NETO2: variants seen among roughly 807,000 people sequenced by gnomAD.
NETO2 encodes the protein neuropilin and tolloid like 2.
Under a neutral mutation model 62.5 loss-of-function variants are expected in NETO2, and 28 were observed. The ratio of observed to expected loss-of-function variants is 0.45; its 90% CI spans 0.33 to 0.61. The LOEUF (loss-of-function observed/expected upper bound fraction) is 0.61. Ranked by LOEUF, NETO2 falls within the 20% of genes least tolerant of loss-of-function variation. The probability of loss-of-function intolerance (pLI) is 0.02; values close to 1 mark genes in which losing one functional copy is unlikely to be tolerated. For missense variants in NETO2, 548 were observed against 643.2 expected, an observed-to-expected ratio of 0.85 and a Z score of 1.60; for synonymous variants, 214 against 219.1, an observed-to-expected ratio of 0.98 and a Z score of 0.21.
intron 1 of NETO2, among the ~76,000 whole-genome samples, chr16:47,133,006 A>G (rs1337193633): frequency 1.3e-5 from 2 of 152,206 alleles, no homozygotes; most frequent in Non-Finnish European, 2.9e-5. Context: ...GAGATAATGT[A>G]TATAGTATTT....
chr16:47,109,468 G>T lies in NETO2; in HGVS notation c.883+15C>A, dbSNP rs780688806. 4.4e-6 allele frequency: 7 copies of T among 1,577,392 alleles called. No homozygotes were observed. The South Asian group carries it at 5.5e-5, about 12-fold the overall frequency. On this transcript the variant is annotated intron_variant, in intron 7 of 8. Coordinates refer to ENST00000562435, the MANE Select transcript of NETO2 (RefSeq NM_018092.5). Reference sequence around the variant, plus strand: ...TATGTAAAAGATCTCAATACTATAGGAATTATTTACTTACGCTCCACAAAG... The same window carrying T: ...TATGTAAAAGATCTCAATACTATAGTAATTATTTACTTACGCTCCACAAAG...
At chr16:47,106,233 T>C (rs1320378628) in intron 7 of NETO2, among the ~76,000 whole-genome samples, 1 of 152,156 alleles carries the variant, frequency 6.6e-6, no homozygotes, top group Non-Finnish European at 1.5e-5. Flanking sequence ...ATGATTCTAC[T>C]ATGAGTTACC....
At chr16:47,133,924 C>G (rs972214443) in intron 1 of NETO2, among the ~76,000 whole-genome samples, 5 of 152,028 alleles carry the variant, frequency 3.3e-5, no homozygotes, top group African/African-American at 1.2e-4. Context: ...TGTGTGGGGT[C>G]TATACTTTTA....
chr16:47,102,013 T>C (rs1490966866), intron 7 of NETO2, among the ~76,000 whole-genome samples: 3 of 152,142 alleles, frequency 2.0e-5, no homozygotes, highest in Admixed American at 6.6e-5. Flanking sequence ...GGAGGCATCA[T>C]GCTTCCTTAC....
At chr16:47,127,150 GAAAAAT>G (rs1964173459) in intron 4 of NETO2, among the ~76,000 whole-genome samples, 1 of 152,164 alleles carries the variant, frequency 6.6e-6, no homozygotes, top group Non-Finnish European at 1.5e-5. Context: ...TTTCTTGCAC[GAAAAAT>G]AAAAGCAAAA....
chr16:47,115,714 C>CATATATATATATATATATATATATATGT (rs918750034), intron 6 of NETO2, among the ~76,000 whole-genome samples: 1 of 128,504 alleles, frequency 7.8e-6, no homozygotes, highest in African/African-American at 3.5e-5. Context: ...TATATATATA[C>CATATATATATATATATATATATATATGT]ATATATATAT....
intron 7 of NETO2, among the ~76,000 whole-genome samples, chr16:47,087,434 G>A (rs1596699677): frequency 6.6e-6 from 1 of 152,132 alleles, no homozygotes; most frequent in Non-Finnish European, 1.5e-5. Flanking sequence ...GATTACCAGG[G>A]TCCAAAAAGA....
chr16:47,132,033 A>T lies in NETO2; in HGVS notation c.35-8T>A, dbSNP rs1206777977. On this transcript the variant is annotated splice_region_variant and splice_polypyrimidine_tract_variant and intron_variant, in intron 1 of 8. Transcript: ENST00000562435. ...GTACTGTTATTAACAACACTAGAGA[A>T]ATAACAGAGAAGAAAAGTTATGAAA... The T allele has an allele frequency of 3.1e-6, 5 of 1,606,632 alleles. No individual in the cohort carries two copies. Among genetic ancestry groups the T allele is most frequent in the Non-Finnish European group, 4.3e-6 (5 of 1,174,386 alleles).
chr16:47,086,287 A>G lies in NETO2; in HGVS notation c.936T>C (p.Asn312=). ...TTTGGACACCATTACAGACTAAAGA[A>G]TTATTGATGCACATGTTGCTATGGC... ...FFCHSNMCIN[N]SLVCNGVQNC... The change falls in exon 8 of 9, where the codon AAT becomes AAC. Residue 312 remains asparagine (N), a synonymous_variant. Coordinates refer to ENST00000562435, the MANE Select transcript of NETO2 (RefSeq NM_018092.5). 1 of 1,614,122 alleles carries G rather than the reference A, an allele frequency of 6.2e-7. No individual in the cohort carries two copies. The highest frequency in any genetic ancestry group is 8.5e-7 in the Non-Finnish European group (1 of 1,179,984).
chr16:47,124,118 G>A (rs1271131593), intron 4 of NETO2, among the ~76,000 whole-genome samples: 2 of 151,744 alleles, frequency 1.3e-5, no homozygotes, highest in African/African-American at 2.4e-5. Flanking sequence ...TTTAAAAAGT[G>A]GAAAAAAATT....
Position 47,083,805 on chromosome 16 carries a change from CA to C in NETO2, c.998-5del. Reference sequence around the variant, plus strand: ...AATACTCCTGCTTTTTTCTTTTCTGCAGAAAGAAAATGAGAAACGTTAAGTT... The same window carrying C: ...AATACTCCTGCTTTTTTCTTTTCTGCGAAAGAAAATGAGAAACGTTAAGTT... On this transcript the variant is annotated splice_polypyrimidine_tract_variant and splice_region_variant and intron_variant, in intron 8 of 8. Coordinates refer to ENST00000562435, the MANE Select transcript of NETO2 (RefSeq NM_018092.5). 6.4e-7 allele frequency: 1 copy of C among 1,562,278 alleles called. No homozygotes were observed. The highest frequency in any genetic ancestry group is 8.7e-7 in the Non-Finnish European group (1 of 1,152,876).
intron 7 of NETO2, among the ~76,000 whole-genome samples, chr16:47,100,212 G>A (rs1209628253): frequency 6.6e-6 from 1 of 152,052 alleles, no homozygotes; most frequent in African/African-American, 2.4e-5. Context: ...GAATGACTAT[G>A]GGGTAAATAA....
chr16:47,132,822 A>T (rs948229842), intron 1 of NETO2, among the ~76,000 whole-genome samples: 22 of 152,188 alleles, frequency 1.4e-4, no homozygotes, highest in African/African-American at 5.3e-4. Flanking sequence ...GTGTGGAGAG[A>T]GAAATCGAGC....
intron 1 of NETO2, 35 bp downstream of exon 1, chr16:47,143,544 G>T: frequency 1.6e-6 from 2 of 1,221,758 alleles, no homozygotes; most frequent in East Asian, 3.3e-5. Context: ...CGGCCCGCAG[G>T]GGGCGCCGTC....
At chr16:47,103,209 A>C (rs930824342) in intron 7 of NETO2, among the ~76,000 whole-genome samples, 1 of 152,180 alleles carries the variant, frequency 6.6e-6, no homozygotes, top group South Asian at 2.1e-4. Context: ...CAAACACTGC[A>C]TGTTCTCACT....
At chr16:47,128,766 A>C (rs1168598919) in intron 3 of NETO2, among the ~76,000 whole-genome samples, 193 bp from the exon 4 acceptor site, 1 of 152,198 alleles carries the variant, frequency 6.6e-6, no homozygotes, top group Non-Finnish European at 1.5e-5. Flanking sequence ...AACTATAGTA[A>C]TCTTTTCCAT....
rs143282808 is a variant in NETO2, at chr16:47,129,594, C to T, written c.92-230G>A. Among the ~76,000 whole-genome samples the T allele has an allele frequency of 4.6e-5, 7 of 152,174 alleles. No homozygotes were observed. In the East Asian group the frequency reaches 1.4e-3, roughly 29 times the overall value. On this transcript the variant is annotated intron_variant, in intron 2 of 8. Transcript: ENST00000562435. ...TGTAAGAGAACAGGGAAATAAAGGG[C>T]TTATAGGCACTTAACAAAGGGCAAA...
chr16:47,082,570 C>A lies in NETO2; in HGVS notation c.*651G>T, dbSNP rs1422857151. On this transcript the variant is annotated 3_prime_UTR_variant, in exon 9 of 9. Coordinates refer to ENST00000562435, the MANE Select transcript of NETO2 (RefSeq NM_018092.5). ...TAATAAATCATATCATCTATTATTT[C>A]TCACAGAAAATAAGGAATAAGGGCC... The A allele has an allele frequency of 6.6e-6, 1 of 152,028 alleles. No individual in the cohort carries two copies. Among genetic ancestry groups the A allele is most frequent in the Non-Finnish European group, 1.5e-5 (1 of 68,016 alleles). 9.4% of individuals were successfully genotyped at this position (152,028 alleles called of 1,614,324 possible). A position where few individuals can be genotyped will look rare whatever the true frequency, so the allele number is the denominator to read the frequency against.
intron 7 of NETO2, among the ~76,000 whole-genome samples, chr16:47,098,668 A>C (rs531689395): frequency 5.9e-5 from 9 of 152,308 alleles, no homozygotes; most frequent in Admixed American, 2.6e-4. Flanking sequence ...AATTCAGGAA[A>C]TACAGAGACC....
Sources: gnomAD v4.1 joint callset for allele counts (sites outside exome capture counted in the v4.1 genomes callset) on GRCh38, gnomAD v4.1.1 for gene constraint, MANE v1.5 for transcripts, NCBI Gene and HGNC (gene_info 2026-07-23, HGNC 2026-07-21) for gene names.